MGAT3: variants seen among roughly 807,000 people sequenced by gnomAD.
MGAT3 encodes beta-1,4-mannosyl-glycoprotein 4-beta-N-acetylglucosaminyltransferase, also known as GlcNAc-T III.
In MGAT3, 9 loss-of-function variants were observed where a neutral mutation model predicts 29.8. That is an observed-to-expected ratio of 0.30 (90% confidence interval 0.18 to 0.53). MGAT3 has a LOEUF of 0.53. MGAT3 is among the 20% of genes least tolerant of loss of function. The probability of loss-of-function intolerance (pLI) is 0.96; values close to 1 mark genes in which losing one functional copy is unlikely to be tolerated. For synonymous variants in MGAT3, 397 were observed against 348.9 expected, an observed-to-expected ratio of 1.14 and a Z score of -1.54; for missense variants, 557 against 769.5, an observed-to-expected ratio of 0.72 and a Z score of 3.27.
chr22:39,461,797 G>A (rs1347024272), intron 1 of MGAT3, among the ~76,000 whole-genome samples: 1 of 152,082 alleles, frequency 6.6e-6, no homozygotes. Context: ...AATATCAATA[G>A]CCAGCATGTG....
chr22:39,476,186 G>A (rs1928956267), intron 1 of MGAT3, among the ~76,000 whole-genome samples: 1 of 152,072 alleles, frequency 6.6e-6, no homozygotes, highest in Non-Finnish European at 1.5e-5. Context: ...AGGGACTGGA[G>A]GTGGGGGAGG....
At chr22:39,469,706 C>T (rs1928754396) in intron 1 of MGAT3, among the ~76,000 whole-genome samples, 1 of 152,220 alleles carries the variant, frequency 6.6e-6, no homozygotes, top group African/African-American at 2.4e-5. Flanking sequence ...CGGGGAGCAC[C>T]CTCCCTTCCA....
At chr22:39,460,226 T>C (rs1928459753) in intron 1 of MGAT3, among the ~76,000 whole-genome samples, 1 of 152,214 alleles carries the variant, frequency 6.6e-6, no homozygotes. Context: ...GACCAGGTCT[T>C]GGAACACAGT....
intron 1 of MGAT3, among the ~76,000 whole-genome samples, chr22:39,466,186 T>C (rs924630529): frequency 1.3e-5 from 2 of 152,102 alleles, no homozygotes; most frequent in Admixed American, 1.3e-4. Flanking sequence ...AAAAATGCAG[T>C]TGTATTCTAA....
Position 39,490,219 on chromosome 22 carries a change from C to A in MGAT3, c.*1270C>A, listed in dbSNP as rs573697457. On this transcript the variant is annotated 3_prime_UTR_variant, in exon 2 of 2. Transcript: ENST00000341184. The stretch of plus-strand genomic sequence containing the variant: ...CAGCGGCTGCTCCAGCGCCCACCCT[C>A]CTGTGTGCATCCAAGCCTGGGGGAA... 1 of 167,016 alleles carries A rather than the reference C, an allele frequency of 6.0e-6. No homozygotes were observed. The highest frequency in any genetic ancestry group is 2.4e-5 in the African/African-American group (1 of 41,334). 10.3% of individuals were successfully genotyped at this position (167,016 alleles called of 1,614,324 possible). A position where few individuals can be genotyped will look rare whatever the true frequency, so the allele number is the denominator to read the frequency against.
chr22:39,470,907 A>G (rs1366951916), intron 1 of MGAT3, among the ~76,000 whole-genome samples: 2 of 152,198 alleles, frequency 1.3e-5, no homozygotes, highest in Non-Finnish European at 2.9e-5. Context: ...TCTAGACTCC[A>G]GAGAGCTATG....
chr22:39,488,329 C>T lies in MGAT3; in HGVS notation c.982C>T (p.Leu328Phe). Residue 328 changes from leucine to phenylalanine, a missense_variant, in exon 2 of 2, where the codon CTT becomes TTT. Leu to Phe is a conservative substitution (Grantham distance 22). This residue lies in a region of MGAT3 where 243 missense variants were observed against 444.0 expected (regional missense o/e 0.55). Transcript: ENST00000341184. ...CGAGATCCCGGCCCGTGACGGCGTC[C>T]TTTTCCTCAAGCTCTACGATGGCTG... The part of the protein sequence containing the change: ...ADEIPARDGV[L>F]FLKLYDGWTE... The T allele has an allele frequency of 6.2e-7, 1 of 1,612,390 alleles. No individual in the cohort carries two copies. The highest frequency in any genetic ancestry group is 1.1e-5 in the South Asian group (1 of 91,090).
chr22:39,461,234 G>T (rs1928489800), intron 1 of MGAT3, among the ~76,000 whole-genome samples: 1 of 152,136 alleles, frequency 6.6e-6, no homozygotes, highest in Non-Finnish European at 1.5e-5. Context: ...ATAGATGATG[G>T]TTGAATGAGG....
Position 39,488,961 on chromosome 22 carries a change from C to G in MGAT3, c.*12C>G. On this transcript the variant is annotated 3_prime_UTR_variant, in exon 2 of 2. Transcript: ENST00000341184. ...AGGCGGAAGTCTAGAGCTGCATGAT[C>G]TGATAGGGTTTGTGACAGGGCGGGG... The G allele has an allele frequency of 6.3e-7, 1 of 1,598,534 alleles. No individual in the cohort carries two copies. The highest frequency in any genetic ancestry group is 8.5e-7 in the Non-Finnish European group (1 of 1,173,556).
chr22:39,483,794 C>T (rs1170314105), intron 1 of MGAT3, among the ~76,000 whole-genome samples: 1 of 152,236 alleles, frequency 6.6e-6, no homozygotes, highest in Non-Finnish European at 1.5e-5. Context: ...TTCCAAACTC[C>T]AGTGGCGAAC....
At chr22:39,471,725 A>G (rs1569001406) in intron 1 of MGAT3, among the ~76,000 whole-genome samples, 1 of 152,128 alleles carries the variant, frequency 6.6e-6, no homozygotes, top group Non-Finnish European at 1.5e-5. Flanking sequence ...GGCAGGTGCC[A>G]CACAATCTGA....
In MGAT3 at chr22:39,489,146, G is replaced by A. The variant is rs1929381700; in HGVS notation, c.*197G>A. ...TTTGAGCTCAGAAAATATCCCTCCT[G>A]TTGGGAGAGGGCGCAGGCCGTGACG... On this transcript the variant is annotated 3_prime_UTR_variant, in exon 2 of 2. Transcript: ENST00000341184. 1 of 778,134 alleles carries A rather than the reference G, an allele frequency of 1.3e-6. No homozygotes were observed. Among genetic ancestry groups the A allele is most frequent in the South Asian group, 1.9e-5 (1 of 52,776 alleles). 48.2% of individuals were successfully genotyped at this position (778,134 alleles called of 1,614,324 possible). A position where few individuals can be genotyped will look rare whatever the true frequency, so the allele number is the denominator to read the frequency against.
At chr22:39,460,715 T>C (rs1300629334) in intron 1 of MGAT3, among the ~76,000 whole-genome samples, 1 of 152,138 alleles carries the variant, frequency 6.6e-6, no homozygotes, top group Admixed American at 6.5e-5. Context: ...AGAGAATCGC[T>C]TGAACCTGGA....
intron 1 of MGAT3, among the ~76,000 whole-genome samples, chr22:39,480,593 G>A (rs1413878238): frequency 6.6e-6 from 1 of 152,162 alleles, no homozygotes; most frequent in Non-Finnish European, 1.5e-5. Context: ...ATGCTGCAGA[G>A]AGGACCTGAG....
intron 1 of MGAT3, among the ~76,000 whole-genome samples, chr22:39,458,813 G>A (rs976447119): frequency 1.3e-5 from 2 of 152,132 alleles, no homozygotes; most frequent in Admixed American, 6.5e-5. Flanking sequence ...GTGGCAGTGG[G>A]AACAGTCAGG....
chr22:39,462,178 C>T lies in MGAT3; in HGVS notation c.-2+4621C>T, dbSNP rs145690288. On this transcript the variant is annotated intron_variant, in intron 1 of 1. Coordinates refer to ENST00000341184, the MANE Select transcript of MGAT3 (RefSeq NM_002409.5). ...CCTCCCAAAGTGCTGGGATTACAGGCCTGAGCCACCACACCCAGCCTGCAC... is the reference window on the plus strand; with the variant it reads ...CCTCCCAAAGTGCTGGGATTACAGGTCTGAGCCACCACACCCAGCCTGCAC... Among the ~76,000 whole-genome samples the T allele has an allele frequency of 3.0e-3, 461 of 152,192 alleles. 5 individuals carry two copies. The highest frequency in any genetic ancestry group is 0.016 in the South Asian group (75 of 4,818).
intron 1 of MGAT3, among the ~76,000 whole-genome samples, chr22:39,466,646 C>A (rs1458210107): frequency 6.6e-6 from 1 of 152,228 alleles, no homozygotes; most frequent in Non-Finnish European, 1.5e-5. Context: ...CCTTAGGAAG[C>A]CCCTCCTGCC....
chr22:39,474,146 G>T (rs763683685), intron 1 of MGAT3, among the ~76,000 whole-genome samples: 7 of 152,164 alleles, frequency 4.6e-5, no homozygotes, highest in Admixed American at 1.3e-4. Flanking sequence ...TGGGCTCTGG[G>T]AAACATAATT....
chr22:39,478,377 C>T (rs1292976156), intron 1 of MGAT3, among the ~76,000 whole-genome samples: 1 of 152,226 alleles, frequency 6.6e-6, no homozygotes, highest in Non-Finnish European at 1.5e-5. Flanking sequence ...CAGCTGGCCC[C>T]TTCTCCCAGT....
Sources: allele counts gnomAD v4.1 joint callset (sites outside exome capture counted in the v4.1 genomes callset), GRCh38; gene constraint gnomAD v4.1.1; regional missense constraint gnomAD v4.1.1; transcripts MANE v1.5; gene names NCBI Gene and HGNC (gene_info 2026-07-23, HGNC 2026-07-21).